The following FCHSD2 variants were observed in gnomAD, a reference collection of about 807,000 sequenced individuals.
The protein encoded by FCHSD2 is FCH and double SH3 domains 2.
A neutral mutation model predicts 108.1 loss-of-function variants in FCHSD2; 38 were observed. The ratio of observed to expected loss-of-function variants is 0.35; its 90% CI spans 0.27 to 0.46. The LOEUF (loss-of-function observed/expected upper bound fraction) is 0.46. Ranked by LOEUF, FCHSD2 falls within the 20% of genes least tolerant of loss-of-function variation. The pLI is 1.00. For missense variants in FCHSD2, 751 were observed against 897.8 expected, an observed-to-expected ratio of 0.84 and a Z score of 2.09; for synonymous variants, 279 against 314.7, an observed-to-expected ratio of 0.89 and a Z score of 1.20.
chr11:72,997,745 G>C (rs377145831), intron 5 of FCHSD2, among the ~76,000 whole-genome samples: 1 of 152,190 alleles, frequency 6.6e-6, no homozygotes, highest in African/African-American at 2.4e-5. Flanking sequence ...CTGTCATCCA[G>C]GCTGGAGTGC....
At chr11:72,906,916 C>T (rs1304046131) in intron 9 of FCHSD2, among the ~76,000 whole-genome samples, 4 of 152,104 alleles carry the variant, frequency 2.6e-5, no homozygotes, top group African/African-American at 7.2e-5. Context: ...GGCTCTTTTT[C>T]GGTTCCATAT....
chr11:72,908,281 G>A (rs1269198939), intron 9 of FCHSD2, among the ~76,000 whole-genome samples: 2 of 152,152 alleles, frequency 1.3e-5, no homozygotes, highest in Non-Finnish European at 2.9e-5. Context: ...CCGTTCATCT[G>A]TTGATGGACA....
At chr11:73,077,244 A>T (rs1055780898) in intron 3 of FCHSD2, among the ~76,000 whole-genome samples, 3 of 152,248 alleles carry the variant, frequency 2.0e-5, no homozygotes, top group Middle Eastern at 3.4e-3. Context: ...AAAAAAAATC[A>T]ATAAAATATT....
At chr11:73,036,829 A>G (rs1858509838) in intron 3 of FCHSD2, among the ~76,000 whole-genome samples, 1 of 152,220 alleles carries the variant, frequency 6.6e-6, no homozygotes, top group South Asian at 2.1e-4. Context: ...TTTATTGATA[A>G]AATTTTAAAA....
At chr11:72,923,887 C>G (rs114582333) in intron 8 of FCHSD2, among the ~76,000 whole-genome samples, 2 of 152,008 alleles carry the variant, frequency 1.3e-5, no homozygotes, top group Non-Finnish European at 2.9e-5. Flanking sequence ...TGCAGTAAGC[C>G]GAGTTTGTGC....
intron 8 of FCHSD2, among the ~76,000 whole-genome samples, chr11:72,982,966 G>A (rs1365001805): frequency 1.3e-5 from 2 of 152,106 alleles, no homozygotes; most frequent in African/African-American, 2.4e-5. Flanking sequence ...TTTGAGGCCA[G>A]CCTGGTCAAC....
chr11:72,933,110 C>T (rs1256972349), intron 8 of FCHSD2, among the ~76,000 whole-genome samples: 1 of 152,124 alleles, frequency 6.6e-6, no homozygotes, highest in African/African-American at 2.4e-5. Context: ...AGCAACAGAT[C>T]CTGCTGTCCT....
chr11:73,081,294 C>CA (rs1348986344), intron 3 of FCHSD2, among the ~76,000 whole-genome samples: 1 of 151,900 alleles, frequency 6.6e-6, no homozygotes, highest in Non-Finnish European at 1.5e-5. Flanking sequence ...ATTAGAAGGG[C>CA]ATGGTGGCAC....
At chr11:73,025,871 G>A (rs1267098292) in intron 3 of FCHSD2, among the ~76,000 whole-genome samples, 3 of 152,006 alleles carry the variant, frequency 2.0e-5, no homozygotes, top group Non-Finnish European at 2.9e-5. Flanking sequence ...CTGGTCTCCC[G>A]TAACCATCCA....
At chr11:73,059,258 C>T (rs1023830940) in intron 3 of FCHSD2, among the ~76,000 whole-genome samples, 1 of 151,494 alleles carries the variant, frequency 6.6e-6, no homozygotes, top group African/African-American at 2.4e-5. Flanking sequence ...GTGTGAACTA[C>T]GGTTTATTTA....
In FCHSD2 at chr11:72,962,680, T is replaced by C. The variant is rs192702404; in HGVS notation, c.705+21408A>G. Among the ~76,000 whole-genome samples, 14 of 151,816 alleles carry C rather than the reference T, an allele frequency of 9.2e-5. No homozygotes were observed. The East Asian group carries it at 2.7e-3, about 29-fold the overall frequency. On this transcript the variant is annotated intron_variant, in intron 8 of 19. Coordinates refer to ENST00000409418, the MANE Select transcript of FCHSD2 (RefSeq NM_014824.3). Reference sequence around the variant, plus strand: ...AGCTTAATGTGATTTCCTATCAAATTCTGGAAAAGATGGTTAAACAAATAG... The same window carrying C: ...AGCTTAATGTGATTTCCTATCAAATCCTGGAAAAGATGGTTAAACAAATAG...
At chr11:73,023,493 A>G (rs1228515904) in intron 3 of FCHSD2, among the ~76,000 whole-genome samples, 2 of 152,206 alleles carry the variant, frequency 1.3e-5, no homozygotes, top group Non-Finnish European at 2.9e-5. Context: ...TGGTACCACT[A>G]CACATGTATT....
chr11:73,021,452 CA>C (rs1390935169), intron 3 of FCHSD2, among the ~76,000 whole-genome samples: 1 of 152,010 alleles, frequency 6.6e-6, no homozygotes, highest in Non-Finnish European at 1.5e-5. Flanking sequence ...CAAACTAATG[CA>C]AGAACAGAAA....
rs1491422684 is a variant in FCHSD2 at position 72,875,347 on chromosome 11, ACT to A, written c.1147-7323_1147-7322del. On this transcript the variant is annotated intron_variant, in intron 12 of 19. Transcript: ENST00000409418. ...ACAATTCTAGGGGTCAATATTATAA[ACT>A]CTATCTATCTATCTAGCTAGCTATT... Among the ~76,000 whole-genome samples, 4 of 152,108 alleles carry A rather than the reference ACT, an allele frequency of 2.6e-5. No individual in the cohort carries two copies. In the Middle Eastern group the frequency reaches 0.01, roughly 388 times the overall value.
intron 8 of FCHSD2, among the ~76,000 whole-genome samples, chr11:72,955,245 G>C (rs992857388): frequency 1.3e-5 from 2 of 152,200 alleles, no homozygotes; most frequent in Non-Finnish European, 2.9e-5. Context: ...GTTTGCTATA[G>C]TGGGTCACAG....
At chr11:72,995,603 C>G (rs572725381) in intron 5 of FCHSD2, among the ~76,000 whole-genome samples, 1 of 151,200 alleles carries the variant, frequency 6.6e-6, no homozygotes, top group South Asian at 2.1e-4. Flanking sequence ...ACTTGGGAGG[C>G]TGGGGTGGAA....
intron 13 of FCHSD2, among the ~76,000 whole-genome samples, chr11:72,854,617 G>A (rs1296934200): frequency 1.3e-5 from 2 of 152,088 alleles, no homozygotes; most frequent in Non-Finnish European, 2.9e-5. Context: ...TAAAAAGGAG[G>A]GAAATTTTGA....
intron 9 of FCHSD2, among the ~76,000 whole-genome samples, chr11:72,906,712 T>A (rs1855637611): frequency 6.6e-6 from 1 of 152,200 alleles, no homozygotes; most frequent in African/African-American, 2.4e-5. Context: ...TTTGTCAGGT[T>A]TATCAAAGAT....
intron 12 of FCHSD2, among the ~76,000 whole-genome samples, chr11:72,880,195 T>C (rs1855054988): frequency 6.6e-6 from 1 of 151,792 alleles, no homozygotes; most frequent in African/African-American, 2.4e-5. Flanking sequence ...ATGAAAGAAA[T>C]TGAAGAGGAC....
Sources: gnomAD v4.1 joint callset for allele counts (sites outside exome capture counted in the v4.1 genomes callset) on GRCh38, gnomAD v4.1.1 for gene constraint, MANE v1.5 for transcripts, NCBI Gene and HGNC (gene_info 2026-07-23, HGNC 2026-07-21) for gene names.